The following PDE10A variants were observed in gnomAD, a reference collection of about 807,000 sequenced individuals.
The protein encoded by PDE10A is phosphodiesterase 10A.
Under a neutral mutation model 97.7 loss-of-function variants are expected in PDE10A, and 39 were observed. The observed-to-expected ratio is 0.40, with a 90% CI of 0.31 to 0.52. PDE10A has a LOEUF of 0.52. PDE10A is among the 20% of genes least tolerant of loss of function. The pLI, the probability that PDE10A is intolerant of heterozygous loss-of-function variation, is 0.56. For synonymous variants in PDE10A, 371 were observed against 376.8 expected (o/e 0.98, Z 0.18); for missense variants, 731 against 1,047.8 (o/e 0.70, Z 4.17).
chr6:165,429,105 T>C (rs1375694012), intron 9 of PDE10A, among the ~76,000 whole-genome samples: 16 of 152,084 alleles, frequency 1.1e-4, no homozygotes, highest in Admixed American at 1.0e-3. Context: ...TCATCAATAG[T>C]TAAATATAAA....
chr6:165,494,842 G>A (rs527345611), intron 2 of PDE10A, among the ~76,000 whole-genome samples: 1 of 152,238 alleles, frequency 6.6e-6, no homozygotes, highest in Admixed American at 6.5e-5. Flanking sequence ...TGATACTATG[G>A]AGAACTTTGT....
In PDE10A at chr6:165,695,523, C is replaced by T. The variant is rs559349689; in HGVS notation, c.-614-151955G>A. On this transcript the variant is annotated intron_variant, in intron 1 of 19. Coordinates refer to the PDE10A transcript ENST00000366882. ...AGGGCTTCTCATCTTGTCCCCTAAC[C>T]CCTCATGCCCTGCCGCCTGTTGCTG... 2.0e-5 allele frequency among the ~76,000 whole-genome samples: 3 copies of T among 152,310 alleles called. No individual in the cohort carries two copies. In the East Asian group the frequency reaches 5.8e-4, roughly 29 times the overall value.
At chr6:165,902,485 CCT>C (rs1782140820) in intron 1 of PDE10A, among the ~76,000 whole-genome samples, 1 of 152,176 alleles carries the variant, frequency 6.6e-6, no homozygotes, top group African/African-American at 2.4e-5. Flanking sequence ...TGAAATACTT[CCT>C]CTCTTTTCTC....
At chr6:165,668,556 A>G (rs1043027590) in intron 1 of PDE10A, among the ~76,000 whole-genome samples, 3 of 148,250 alleles carry the variant, frequency 2.0e-5, no homozygotes, top group African/African-American at 8.0e-5. Flanking sequence ...CGATGCAGTT[A>G]CAGGAGAAAG....
At chr6:165,347,073 T>C (rs1782361781) in intron 18 of PDE10A, among the ~76,000 whole-genome samples, 1 of 151,916 alleles carries the variant, frequency 6.6e-6, no homozygotes, top group East Asian at 1.9e-4. Flanking sequence ...ATTCTTTTTT[T>C]CTCTAAATTA....
intron 12 of PDE10A, among the ~76,000 whole-genome samples, chr6:165,413,914 T>A (rs1788100994): frequency 6.6e-6 from 1 of 152,168 alleles, no homozygotes; most frequent in Non-Finnish European, 1.5e-5. Context: ...TGTCTCCAAG[T>A]GAGTTTTCTA....
chr6:165,383,918 G>A (rs1205190317), intron 17 of PDE10A, among the ~76,000 whole-genome samples: 1 of 152,070 alleles, frequency 6.6e-6, no homozygotes, highest in Non-Finnish European at 1.5e-5. Context: ...ACAAGAAAGG[G>A]TGTGGGGTAA....
intron 1 of PDE10A, among the ~76,000 whole-genome samples, chr6:165,900,429 A>G (rs1182866535): frequency 6.6e-6 from 1 of 152,058 alleles, no homozygotes; most frequent in Non-Finnish European, 1.5e-5. Flanking sequence ...CTGAGATCAC[A>G]CCACTGCATT....
intron 1 of PDE10A, among the ~76,000 whole-genome samples, chr6:165,973,138 G>T (rs1254257942): frequency 1.3e-5 from 2 of 152,196 alleles, no homozygotes; most frequent in African/African-American, 4.8e-5. Context: ...TGTGATGGAG[G>T]CTGGGCACAG....
At chr6:165,559,910 T>C (rs1290757710) in intron 1 of PDE10A, among the ~76,000 whole-genome samples, 1 of 152,302 alleles carries the variant, frequency 6.6e-6, no homozygotes, top group Non-Finnish European at 1.5e-5. Flanking sequence ...TCTGCTATGA[T>C]TGTGAGGCCT....
At chr6:165,614,593 T>C (rs553504078) in intron 1 of PDE10A, among the ~76,000 whole-genome samples, 51 of 152,292 alleles carry the variant, frequency 3.3e-4, no homozygotes, top group African/African-American at 1.1e-3. Flanking sequence ...TCAGCAAAGA[T>C]TTTCCCCAAC....
chr6:165,395,207 C>A lies in PDE10A; in HGVS notation c.2277G>T (p.Met759Ile). 6.2e-7 allele frequency: 1 copy of A among 1,613,166 alleles called. No individual in the cohort carries two copies. The highest frequency in any genetic ancestry group is 8.5e-7 in the Non-Finnish European group (1 of 1,179,388). ...AGGATGTCCCACAGGACCGATGAAC[C>A]ATGTAGACAAAAATTCCAGGCCACA... ...ENMWPGIFVY[M>I]VHRSCGTSCF... The change falls in exon 15 of 22, where the codon ATG becomes ATT. Residue 759 changes from methionine to isoleucine, a missense_variant. Physicochemically the swap from Met to Ile is conservative, Grantham distance 10 (BLOSUM62 1). Coordinates refer to ENST00000539869, the MANE Select transcript of PDE10A (RefSeq NM_001385079.1).
At chr6:165,845,314 T>C (rs1358969013) in intron 1 of PDE10A, among the ~76,000 whole-genome samples, 2 of 152,166 alleles carry the variant, frequency 1.3e-5, no homozygotes, top group African/African-American at 4.8e-5. Flanking sequence ...ACTTAAAAAA[T>C]TATCACAAAT....
intron 18 of PDE10A, among the ~76,000 whole-genome samples, chr6:165,358,738 A>C (rs188248041): frequency 7.0e-4 from 107 of 151,788 alleles, no homozygotes; most frequent in Middle Eastern, 6.9e-3. Context: ...CTATTTGTTG[A>C]ATCTGTTTTT....
rs1456982685 is a variant in PDE10A, at chr6:165,691,093, CTCTCTT to C, written c.-614-147531_-614-147526del. Among the ~76,000 whole-genome samples the C allele has an allele frequency of 4.2e-3, 208 of 49,912 alleles. 9 individuals carry two copies. Among genetic ancestry groups the C allele is most frequent in the African/African-American group, 0.012 (191 of 15,786 alleles). 32.7% of individuals were successfully genotyped at this position (49,912 alleles called of 152,430 possible). A position where few individuals can be genotyped will look rare whatever the true frequency, so the allele number is the denominator to read the frequency against. On this transcript the variant is annotated intron_variant, in intron 1 of 19. Coordinates refer to the PDE10A transcript ENST00000366882. ...TCTCTCTTTCTCTCTCTCTCTCTCT[CTCTCTT>C]TCTCTCTCCCCCCCCCCATCAGTGC...
Position 165,662,748 on chromosome 6 carries a change from C to T in PDE10A, c.64G>A (p.Glu22Lys), listed in dbSNP as rs899976455. Among the ~76,000 whole-genome samples, 3 of 147,614 alleles carry T rather than the reference C, an allele frequency of 2.0e-5. No individual in the cohort carries two copies. Among genetic ancestry groups the T allele is most frequent in the Non-Finnish European group, 3.0e-5 (2 of 66,368 alleles). The change falls in exon 1 of 22, where the codon GAG becomes AAG. Residue 22 changes from glutamate (E) to lysine (K), a missense_variant. Physicochemically the swap from Glu to Lys is moderately conservative, Grantham distance 56. This residue lies in a region of PDE10A where 181 missense variants were observed against 159.1 expected (regional missense o/e 1.14). Transcript: ENST00000539869. ...PQGPLPAAGD[E>K]PGCGPGKLRP... is the part of the protein sequence containing the mutation. Reference sequence around the variant, plus strand: ...AGTTTGCCGGGGCCGCAGCCCGGCTCGTCCCCGGCCGCTGGCAGGGGACCC... The same window carrying T: ...AGTTTGCCGGGGCCGCAGCCCGGCTTGTCCCCGGCCGCTGGCAGGGGACCC...
chr6:165,504,179 A>G (rs1472687235), intron 2 of PDE10A, among the ~76,000 whole-genome samples: 2 of 152,192 alleles, frequency 1.3e-5, no homozygotes, highest in African/African-American at 4.8e-5. Context: ...CTAAGGAGGA[A>G]GAATTTTTTT....
chr6:165,763,799 C>T (rs527653653), intron 1 of PDE10A, among the ~76,000 whole-genome samples: 4 of 152,192 alleles, frequency 2.6e-5, no homozygotes, highest in African/African-American at 9.7e-5. Context: ...TCTTATTTAG[C>T]CTGTGAGCAA....
At chr6:165,494,462 G>T (rs78139836) in intron 2 of PDE10A, among the ~76,000 whole-genome samples, 1 of 148,532 alleles carries the variant, frequency 6.7e-6, no homozygotes, top group East Asian at 2.0e-4. Flanking sequence ...ATGTGGGGGG[G>T]GGTGTGTGTG....
Sources: allele counts gnomAD v4.1 joint callset (sites outside exome capture counted in the v4.1 genomes callset), GRCh38; gene constraint gnomAD v4.1.1; regional missense constraint gnomAD v4.1.1; transcripts MANE v1.5; gene names NCBI Gene and HGNC (gene_info 2026-07-23, HGNC 2026-07-21).